ADAMTS19: variants seen among roughly 807,000 people sequenced by gnomAD.
ADAMTS19 encodes A disintegrin and metalloproteinase with thrombospondin motifs 19.
In ADAMTS19, 93 loss-of-function variants were observed where a neutral mutation model predicts 153.3. That is an observed-to-expected ratio of 0.61 (90% CI 0.51 to 0.72). ADAMTS19 has a LOEUF of 0.72. Ranked by LOEUF, ADAMTS19 falls within the 30% of genes least tolerant of loss-of-function variation. The probability of loss-of-function intolerance (pLI) is 0.00; values close to 1 mark genes in which losing one functional copy is unlikely to be tolerated. For missense variants in ADAMTS19, 1,482 were observed against 1,552.1 expected, an observed-to-expected ratio of 0.95 and a Z score of 0.76; for synonymous variants, 600 against 556.6, an observed-to-expected ratio of 1.08 and a Z score of -1.10.
At chr5:129,621,043 CT>C (rs1352427212) in intron 9 of ADAMTS19, among the ~76,000 whole-genome samples, 1 of 152,076 alleles carries the variant, frequency 6.6e-6, no homozygotes, top group Non-Finnish European at 1.5e-5. Context: ...ATTTAATTGC[CT>C]TTTCAATTTT....
chr5:129,546,626 C>T (rs1346662547), intron 6 of ADAMTS19, among the ~76,000 whole-genome samples: 18 of 150,724 alleles, frequency 1.2e-4, no homozygotes, highest in Non-Finnish European at 2.9e-5. Context: ...TTTATAACAA[C>T]TCAGTTACTA....
At chr5:129,582,794 T>G (rs112971128) in intron 7 of ADAMTS19, among the ~76,000 whole-genome samples, 12 of 151,694 alleles carry the variant, frequency 7.9e-5, no homozygotes, top group Admixed American at 6.6e-4. Context: ...ATGGTCTTGA[T>G]CTCCTTGACC....
chr5:129,524,111 T>A (rs1581036827), intron 3 of ADAMTS19, among the ~76,000 whole-genome samples: 1 of 151,910 alleles, frequency 6.6e-6, no homozygotes, highest in Admixed American at 6.6e-5. Context: ...CCAAAACAGG[T>A]ATATAGACCA....
Position 129,516,221 on chromosome 5 carries a change from A to G in ADAMTS19, c.913+6979A>G, listed in dbSNP as rs185053123. Among the ~76,000 whole-genome samples, 1,382 of 148,484 alleles carry G rather than the reference A, an allele frequency of 9.3e-3. 11 individuals carry two copies. Among genetic ancestry groups the G allele is most frequent in the Non-Finnish European group, 0.013 (869 of 67,076 alleles). On this transcript the variant is annotated intron_variant, in intron 3 of 22. Transcript: ENST00000274487. ...GTTGAGGATTTTTGCATCAGTATTC[A>G]TCAGAAATATTAGCCTGTAGTTTTT...
chr5:129,531,673 TCA>T (rs1465443608), intron 6 of ADAMTS19, among the ~76,000 whole-genome samples: 1 of 151,946 alleles, frequency 6.6e-6, no homozygotes, highest in Non-Finnish European at 1.5e-5. Context: ...TCCCATTCTG[TCA>T]CAGGAATGAA....
At chr5:129,690,088 C>G (rs1036929700) in intron 18 of ADAMTS19, among the ~76,000 whole-genome samples, 3 of 152,114 alleles carry the variant, frequency 2.0e-5, no homozygotes, top group African/African-American at 4.8e-5. Flanking sequence ...ATATTTCACT[C>G]ATTCATTCCT....
rs181848557 is a variant in ADAMTS19, at chr5:129,706,096, G to A, written c.3312+1705G>A. Among the ~76,000 whole-genome samples the A allele has an allele frequency of 2.5e-4, 38 of 152,274 alleles. No homozygotes were observed. In the East Asian group the frequency reaches 6.9e-3, roughly 28 times the overall value. ...GAATAAGGAAGAAGAAAAAGTACTA[G>A]CAGCAAGAGGGCAGGGAAAATCACC... is the stretch of plus-strand genomic sequence containing the variant. On this transcript the variant is annotated intron_variant, in intron 21 of 22. Transcript: ENST00000274487.
rs140574707 is a variant in ADAMTS19 at position 129,486,246 on chromosome 5, C to T, written c.748-22831C>T. On this transcript the variant is annotated intron_variant, in intron 2 of 22. Coordinates refer to ENST00000274487, the MANE Select transcript of ADAMTS19 (RefSeq NM_133638.6). Reference sequence around the variant, plus strand: ...ACACTCCCTATTATTACTTATGAGGCCAGAATTATTCTGATACCCAAAAAG... The same window carrying T: ...ACACTCCCTATTATTACTTATGAGGTCAGAATTATTCTGATACCCAAAAAG... Among the ~76,000 whole-genome samples the T allele has an allele frequency of 7.4e-3, 1,122 of 152,032 alleles. 18 individuals carry two copies. Among genetic ancestry groups the T allele is most frequent in the African/African-American group, 0.026 (1,060 of 41,466 alleles).
At position 129,684,282 on chromosome 5, in the gene ADAMTS19, T is replaced by G. The variant is rs778894297; in HGVS notation, c.2818+9T>G. ...TGCCACTTGTGGAGGAGGTGAAGGA[T>G]TTTTAAACATTTATCTTTCCAAAAC... On this transcript the variant is annotated intron_variant, in intron 18 of 22. Coordinates refer to ENST00000274487, the MANE Select transcript of ADAMTS19 (RefSeq NM_133638.6). 6.2e-7 allele frequency: 1 copy of G among 1,613,132 alleles called. No individual in the cohort carries two copies. Among genetic ancestry groups the G allele is most frequent in the South Asian group, 1.1e-5 (1 of 90,992 alleles).
intron 13 of ADAMTS19, among the ~76,000 whole-genome samples, chr5:129,653,573 C>G (rs918299035): frequency 1.3e-5 from 2 of 152,168 alleles, no homozygotes; most frequent in Admixed American, 6.6e-5. Context: ...GACATGGTTT[C>G]TGCATAAGTA....
intron 7 of ADAMTS19, among the ~76,000 whole-genome samples, chr5:129,553,756 A>T (rs1753216993): frequency 6.6e-6 from 1 of 152,082 alleles, no homozygotes. Flanking sequence ...CAGAGTAAAA[A>T]TCTGAAATAT....
chr5:129,638,307 C>A (rs181523472), intron 10 of ADAMTS19, among the ~76,000 whole-genome samples: 1 of 152,042 alleles, frequency 6.6e-6, no homozygotes, highest in African/African-American at 2.4e-5. Flanking sequence ...CTTGGTTTCA[C>A]TTTAGTAAAT....
chr5:129,516,540 T>TA (rs1751616569), intron 3 of ADAMTS19, among the ~76,000 whole-genome samples: 1 of 151,802 alleles, frequency 6.6e-6, no homozygotes, highest in Non-Finnish European at 1.5e-5. Flanking sequence ...TGTATATATC[T>TA]AGGAATTTGT....
intron 7 of ADAMTS19, among the ~76,000 whole-genome samples, chr5:129,562,070 G>T (rs900850700): frequency 6.6e-5 from 10 of 151,980 alleles, no homozygotes; most frequent in African/African-American, 2.4e-4. Context: ...TCATTTTTAG[G>T]CAAGTATTGC....
At chr5:129,692,396 ATTTGAAG>A (rs1755376311) in intron 18 of ADAMTS19, among the ~76,000 whole-genome samples, 1 of 152,098 alleles carries the variant, frequency 6.6e-6, no homozygotes, top group Non-Finnish European at 1.5e-5. Context: ...TTTGAAAATT[ATTTGAAG>A]TTGTTGGGTT....
intron 6 of ADAMTS19, among the ~76,000 whole-genome samples, chr5:129,535,518 A>G (rs1752385303): frequency 6.6e-6 from 1 of 152,210 alleles, no homozygotes; most frequent in Non-Finnish European, 1.5e-5. Flanking sequence ...TGCCATCCCC[A>G]TCAAGCTACC....
intron 2 of ADAMTS19, among the ~76,000 whole-genome samples, chr5:129,486,638 T>G (rs1750602141): frequency 6.6e-6 from 1 of 152,120 alleles, no homozygotes; most frequent in Admixed American, 6.6e-5. Flanking sequence ...CATTCTTAAT[T>G]TTGAAAAGCC....
intron 2 of ADAMTS19, among the ~76,000 whole-genome samples, chr5:129,504,428 ATG>A (rs1751202463): frequency 6.6e-6 from 1 of 152,218 alleles, no homozygotes. Flanking sequence ...GGTGTGCAAA[ATG>A]TTTTGATATA....
intron 16 of ADAMTS19, among the ~76,000 whole-genome samples, chr5:129,672,809 TACACACAC>T (rs35764527): frequency 3.1e-4 from 47 of 150,176 alleles, no homozygotes; most frequent in African/African-American, 1.1e-3. Flanking sequence ...AGTCCAAATC[TACACACAC>T]ACACACACAC....
Sources: allele counts gnomAD v4.1 joint callset (sites outside exome capture counted in the v4.1 genomes callset), GRCh38; gene constraint gnomAD v4.1.1; transcripts MANE v1.5; gene names NCBI Gene and HGNC (gene_info 2026-07-23, HGNC 2026-07-21).